CDC45: variants seen among roughly 807,000 people sequenced by gnomAD.
CDC45 encodes the protein cell division cycle 45.
Under a neutral mutation model 77.8 loss-of-function variants are expected in CDC45, and 54 were observed. That is an observed-to-expected ratio of 0.69 (90% CI 0.56 to 0.87). CDC45 has a LOEUF of 0.87. CDC45 is among the 40% of genes least tolerant of loss of function. The pLI is 0.00. For missense variants in CDC45, 649 were observed against 721.6 expected, an observed-to-expected ratio of 0.90 and a Z score of 1.15; for synonymous variants, 260 against 272.1, an observed-to-expected ratio of 0.96 and a Z score of 0.44.
At chr22:19,519,918 T>C (rs1934019359) in intron 18 of CDC45, among the ~76,000 whole-genome samples, 1 of 152,136 alleles carries the variant, frequency 6.6e-6, no homozygotes, top group South Asian at 2.1e-4. Context: ...GCAGTGACCT[T>C]GGGCCAGCCA....
rs752373154 is a variant in CDC45, at chr22:19,514,708, C to G, written c.1218-41C>G. ...GACTTTGGTATTTTACCAAGAGTTC[C>G]TGACAAGCACCACCAAAGCCATGTG... On this transcript the variant is annotated intron_variant, in intron 13 of 18. Coordinates refer to ENST00000263201, the MANE Select transcript of CDC45 (RefSeq NM_003504.5). 3.9e-6 allele frequency: 6 copies of G among 1,530,866 alleles called. No homozygotes were observed. In the Admixed American group the frequency reaches 1.2e-4, roughly 31 times the overall value. 94.8% of individuals were successfully genotyped at this position (1,530,866 alleles called of 1,614,324 possible).
chr22:19,486,346 A>G (rs2090066363), intron 5 of CDC45, among the ~76,000 whole-genome samples: 1 of 152,230 alleles, frequency 6.6e-6, no homozygotes, highest in Non-Finnish European at 1.5e-5. Context: ...TTGTCCTCAA[A>G]ATATATTTTG....
chr22:19,517,134 G>A (rs1205875388), intron 17 of CDC45, among the ~76,000 whole-genome samples: 9 of 152,248 alleles, frequency 5.9e-5, no homozygotes, highest in East Asian at 3.8e-4. Context: ...GCCTTACAGC[G>A]GCCTTACAGC....
intron 3 of CDC45, among the ~76,000 whole-genome samples, chr22:19,481,301 G>C (rs1047891048): frequency 6.6e-6 from 1 of 152,156 alleles, no homozygotes; most frequent in African/African-American, 2.4e-5. Flanking sequence ...GCAGAAATTT[G>C]ATTGTAAGGT....
At chr22:19,499,812 C>G (rs2146385764) in intron 9 of CDC45, among the ~76,000 whole-genome samples, 1 of 152,316 alleles carries the variant, frequency 6.6e-6, no homozygotes, top group South Asian at 2.1e-4. Context: ...TGGCATGGAC[C>G]TAGACCCCAA....
In CDC45 at chr22:19,493,231, T is replaced by TG. The variant is rs778950989; in HGVS notation, c.487-1096_487-1095insG. Among the ~76,000 whole-genome samples, 969 of 126,978 alleles carry TG rather than the reference T, an allele frequency of 7.6e-3. 9 individuals are homozygous for TG. The highest frequency in any genetic ancestry group is 0.032 in the South Asian group (99 of 3,138). 83.3% of individuals were successfully genotyped at this position (126,978 alleles called of 152,430 possible). A position where few individuals can be genotyped will look rare whatever the true frequency, so the allele number is the denominator to read the frequency against. ...TAGACAGAGCAGCTTTTGTGGGTTT[T>TG]TTTTTTTGTTGTTTTGTTTTGTTTT... On this transcript the variant is annotated intron_variant, in intron 5 of 18. Coordinates refer to ENST00000263201, the MANE Select transcript of CDC45 (RefSeq NM_003504.5).
At position 19,480,940 on chromosome 22, in the gene CDC45, ACTCT is replaced by A. The variant is rs752245038; in HGVS notation, c.112-7_112-4del. The A allele has an allele frequency of 1.3e-6, 2 of 1,568,802 alleles. No homozygotes were observed. Among genetic ancestry groups the A allele is most frequent in the Non-Finnish European group, 1.7e-6 (2 of 1,145,364 alleles). ...CCTAAATAAGATAGGCTTTGAAAACACTCTCTCTCCAGGCCTTGTTCCAGTGTGA... is the reference window on the plus strand; with the variant it reads ...CCTAAATAAGATAGGCTTTGAAAACACTCTCCAGGCCTTGTTCCAGTGTGA... On this transcript the variant is annotated splice_polypyrimidine_tract_variant and intron_variant, in intron 2 of 18. Transcript: ENST00000263201.
At chr22:19,494,739 A>C in intron 6 of CDC45, 1 of 744,078 alleles carries the variant, frequency 1.3e-6, no homozygotes, top group South Asian at 1.7e-5. Flanking sequence ...TTCTAGCTTG[A>C]AGTGAGCATG....
At position 19,507,389 on chromosome 22, in the gene CDC45, C is replaced by T; in HGVS notation, c.828C>T (p.Leu276=). 6.2e-7 allele frequency: 1 copy of T among 1,613,950 alleles called. No individual in the cohort carries two copies. Among genetic ancestry groups the T allele is most frequent in the Non-Finnish European group, 8.5e-7 (1 of 1,180,004 alleles). The change falls in exon 11 of 19, where the codon CTC becomes CTT. Residue 276 remains leucine (L), a synonymous_variant. Transcript: ENST00000263201. ...DCTRISFEYD[L]RLVLYQHWSL... ...TGCTCCTTGACTGCAGGCCCAGCCT[C>T]CGCCTGGTGCTCTACCAGCACTGGT...
chr22:19,506,550 C>T (rs893376902), intron 10 of CDC45, among the ~76,000 whole-genome samples: 5 of 152,064 alleles, frequency 3.3e-5, no homozygotes, highest in East Asian at 3.9e-4. Context: ...ACCAGGCTCT[C>T]GTCCTGTAGA....
In CDC45 at chr22:19,480,228, C is replaced by T. The variant is rs1206580810; in HGVS notation, c.111+11C>T. On this transcript the variant is annotated intron_variant, in intron 2 of 18. Transcript: ENST00000263201. Reference sequence around the variant, plus strand: ...TGCAAGATCCTTCAGGTGAGTTCTGCGGACCCTAGGAGGGCGGGGCCGGCG... The same window carrying T: ...TGCAAGATCCTTCAGGTGAGTTCTGTGGACCCTAGGAGGGCGGGGCCGGCG... 2 of 1,612,674 alleles carry T rather than the reference C, an allele frequency of 1.2e-6. No homozygotes were observed. The highest frequency in any genetic ancestry group is 2.2e-5 in the East Asian group (1 of 44,862).
chr22:19,508,913 T>G (rs1187167558), intron 13 of CDC45, among the ~76,000 whole-genome samples: 4 of 152,240 alleles, frequency 2.6e-5, no homozygotes, highest in Admixed American at 6.5e-5. Flanking sequence ...GGCTTTTTTT[T>G]CTTTTTGATT....
intron 6 of CDC45, among the ~76,000 whole-genome samples, 187 bp from the exon 7 acceptor site, chr22:19,495,794 C>T (rs916730579): frequency 6.6e-6 from 1 of 152,100 alleles, no homozygotes; most frequent in Non-Finnish European, 1.5e-5. Flanking sequence ...TGCACTTCAG[C>T]CTGGGAGACA....
intron 9 of CDC45, among the ~76,000 whole-genome samples, chr22:19,501,073 G>A (rs1318905423): frequency 6.6e-6 from 1 of 152,138 alleles, no homozygotes; most frequent in Non-Finnish European, 1.5e-5. Flanking sequence ...CCAGCTACTC[G>A]GGAGGGTGAG....
intron 17 of CDC45, among the ~76,000 whole-genome samples, chr22:19,518,122 G>C (rs1423575081): frequency 1.3e-5 from 2 of 152,242 alleles, no homozygotes; most frequent in African/African-American, 4.8e-5. Flanking sequence ...TGATGTGGGA[G>C]AGGTGGATGG....
intron 5 of CDC45, among the ~76,000 whole-genome samples, chr22:19,489,806 G>A (rs1251491262): frequency 6.6e-6 from 1 of 152,234 alleles, no homozygotes; most frequent in African/African-American, 2.4e-5. Context: ...CTGAGAGTTG[G>A]TGGTGGTGTT....
intron 13 of CDC45, among the ~76,000 whole-genome samples, chr22:19,510,805 G>A (rs1270749776): frequency 2.0e-5 from 3 of 152,182 alleles, no homozygotes; most frequent in Admixed American, 2.0e-4. Flanking sequence ...GGGATTACAG[G>A]CATCAGCCAC....
At position 19,497,398 on chromosome 22, in the gene CDC45, A is replaced by T; in HGVS notation, c.604A>T (p.Met202Leu). The T allele has an allele frequency of 6.2e-7, 1 of 1,614,020 alleles. No individual in the cohort carries two copies. Among genetic ancestry groups the T allele is most frequent in the Non-Finnish European group, 8.5e-7 (1 of 1,179,960 alleles). The change falls in exon 8 of 19, where the codon ATG becomes TTG. Residue 202 changes from methionine to leucine, a missense_variant. Met to Leu is a conservative substitution (Grantham distance 15). Transcript: ENST00000263201. The stretch of plus-strand genomic sequence containing the variant: ...TGCTTCCTTACAGTCAGCCATGGTG[A>T]TGTTTGAGCTGGCTTGGATGCTGTC... ...EYHGTSSAMV[M>L]FELAWMLSKD... is the part of the protein sequence containing the mutation.
chr22:19,505,304 G>C, intron 9 of CDC45, 58 bp from the exon 10 acceptor site: 1 of 1,612,048 alleles, frequency 6.2e-7, no homozygotes, highest in Non-Finnish European at 8.5e-7. Flanking sequence ...CCTAGGCTTA[G>C]GCTGCCTGGT....
Sources: gnomAD v4.1 joint callset for allele counts (sites outside exome capture counted in the v4.1 genomes callset) on GRCh38, gnomAD v4.1.1 for gene constraint, MANE v1.5 for transcripts, NCBI Gene and HGNC (gene_info 2026-07-23, HGNC 2026-07-21) for gene names.